The following PTPN2 variants were observed in gnomAD, a reference collection of about 807,000 sequenced individuals.
The protein encoded by PTPN2 is tyrosine-protein phosphatase non-receptor type 2.
A neutral mutation model predicts 57.3 loss-of-function variants in PTPN2; 19 were observed. The observed-to-expected ratio is 0.33, with a 90% CI of 0.23 to 0.49. The LOEUF (loss-of-function observed/expected upper bound fraction) is 0.49, where lower values mean the gene tolerates loss of function less well. Ranked by LOEUF, PTPN2 falls within the 20% of genes least tolerant of loss-of-function variation. PTPN2 has a pLI of 0.99. For missense variants in PTPN2, 358 were observed against 501.1 expected, an observed-to-expected ratio of 0.71 and a Z score of 2.73; for synonymous variants, 153 against 164.9, an observed-to-expected ratio of 0.93 and a Z score of 0.55.
At chr18:12,801,919 T>C (rs1208719602) in intron 8 of PTPN2, 51 bp downstream of exon 8, 2 of 1,481,498 alleles carry the variant, frequency 1.3e-6, no homozygotes, top group African/African-American at 2.9e-5. Context: ...TAAAATTTAT[T>C]TTTAAAATAA....
chr18:12,857,085 T>G (rs1305111979), intron 2 of PTPN2, among the ~76,000 whole-genome samples: 1 of 140,702 alleles, frequency 7.1e-6, no homozygotes, highest in East Asian at 2.1e-4. Flanking sequence ...AAAAATCCCA[T>G]TTAGATCAAT....
chr18:12,814,564 G>A (rs1255628728), intron 6 of PTPN2, among the ~76,000 whole-genome samples: 1 of 152,146 alleles, frequency 6.6e-6, no homozygotes, highest in African/African-American at 2.4e-5. Flanking sequence ...AGTAGTTGGA[G>A]GACTTTGATT....
At chr18:12,835,383 T>TTTTTTTTC (rs2042824465) in intron 3 of PTPN2, among the ~76,000 whole-genome samples, 1 of 10,082 alleles carries the variant, frequency 9.9e-5, no homozygotes, top group East Asian at 4.5e-3. Context: ...CACATATGTC[T>TTTTTTTTC]TTTTTTTTTT....
intron 2 of PTPN2, among the ~76,000 whole-genome samples, chr18:12,858,274 C>G (rs2043663727): frequency 3.9e-5 from 6 of 152,064 alleles, no homozygotes; most frequent in Admixed American, 3.9e-4. Context: ...ACAGGGAGCC[C>G]TAAAGAGAAA....
At chr18:12,847,251 G>A (rs2043241429) in intron 2 of PTPN2, among the ~76,000 whole-genome samples, 3 of 152,140 alleles carry the variant, frequency 2.0e-5, no homozygotes, top group Admixed American at 2.0e-4. Flanking sequence ...TCCACCCTCT[G>A]CGTGAATACC....
At chr18:12,801,811 T>G in intron 8 of PTPN2, 159 bp downstream of exon 8, 1 of 706,322 alleles carries the variant, frequency 1.4e-6, no homozygotes, top group Non-Finnish European at 2.3e-6. Flanking sequence ...TCAAGTGATC[T>G]TCCCTCCTTG....
intron 1 of PTPN2, among the ~76,000 whole-genome samples, chr18:12,877,826 A>G (rs2044540770): frequency 6.6e-6 from 1 of 152,126 alleles, no homozygotes; most frequent in Admixed American, 6.5e-5. Context: ...CCTGGCTAAC[A>G]CGGTCAAACC....
At chr18:12,862,495 T>C (rs938699668) in intron 1 of PTPN2, 2 of 152,284 alleles carry the variant, frequency 1.3e-5, no homozygotes, top group African/African-American at 4.8e-5. Flanking sequence ...GTAACTGCTT[T>C]TGTTTTCAGA....
chr18:12,786,462 C>T (rs1334557710), intron 9 of PTPN2: 1 of 152,102 alleles, frequency 6.6e-6, no homozygotes, highest in Non-Finnish European at 1.5e-5. Flanking sequence ...ACATAATTGA[C>T]AGATTTATTG....
rs1342768169 is a variant in PTPN2, at chr18:12,883,931, C to T, written c.69+142G>A. 4 of 642,426 alleles carry T rather than the reference C, an allele frequency of 6.2e-6. No individual in the cohort carries two copies. In the Admixed American group the frequency reaches 1.0e-4, roughly 16 times the overall value. 39.8% of individuals were successfully genotyped at this position (642,426 alleles called of 1,614,324 possible). ...GAGAGCGGTCAGCGCAGGCGCGCCC[C>T]TGACGCGGACCGCGCCGCCACTTCC... On this transcript the variant is annotated intron_variant, in intron 1 of 8. Transcript: ENST00000309660.
intron 7 of PTPN2, among the ~76,000 whole-genome samples, chr18:12,804,312 AAAAG>A (rs964721315): frequency 3.3e-5 from 5 of 149,840 alleles, no homozygotes; most frequent in Admixed American, 2.7e-4. Context: ...AAAAAAAAGA[AAAAG>A]AAAGTTCTCA....
chr18:12,853,103 A>C (rs541791555), intron 2 of PTPN2, among the ~76,000 whole-genome samples: 1 of 152,350 alleles, frequency 6.6e-6, no homozygotes, highest in East Asian at 1.9e-4. Context: ...TTTTCAACAA[A>C]TGTTTTCTGA....
chr18:12,867,980 T>G (rs2044049202), intron 1 of PTPN2, among the ~76,000 whole-genome samples: 1 of 152,206 alleles, frequency 6.6e-6, no homozygotes, highest in African/African-American at 2.4e-5. Flanking sequence ...TTTGGTCATC[T>G]TTACAGAAAG....
intron 1 of PTPN2, among the ~76,000 whole-genome samples, chr18:12,876,751 C>G (rs2044504526): frequency 6.6e-6 from 1 of 152,180 alleles, no homozygotes; most frequent in African/African-American, 2.4e-5. Context: ...AACGAAATAC[C>G]TGGGAACACA....
At chr18:12,870,290 CATATATATGTGTATATAT>C (rs2044153300) in intron 1 of PTPN2, among the ~76,000 whole-genome samples, 1 of 76,652 alleles carries the variant, frequency 1.3e-5, no homozygotes, top group Non-Finnish European at 2.2e-5. Flanking sequence ...TATACATATA[CATATATATGTGTATATAT>C]ACATATATAT....
At chr18:12,796,817 C>A (rs1480755121) in intron 8 of PTPN2, among the ~76,000 whole-genome samples, 2 of 152,182 alleles carry the variant, frequency 1.3e-5, no homozygotes, top group African/African-American at 4.8e-5. Context: ...TGCTCCACCC[C>A]CTCTAGCCCT....
intron 1 of PTPN2, among the ~76,000 whole-genome samples, chr18:12,882,095 A>G (rs184069342): frequency 2.6e-5 from 4 of 152,344 alleles, no homozygotes; most frequent in Admixed American, 2.6e-4. Flanking sequence ...GGGTCCGGGC[A>G]TATTTGTGGA....
At chr18:12,857,643 T>G (rs1185950245) in intron 2 of PTPN2, among the ~76,000 whole-genome samples, 1 of 152,216 alleles carries the variant, frequency 6.6e-6, no homozygotes, top group South Asian at 2.1e-4. Context: ...ATCAGAGATT[T>G]GGAGGCAGGG....
chr18:12,799,587 C>T (rs1445452966), intron 8 of PTPN2, among the ~76,000 whole-genome samples: 2 of 142,732 alleles, frequency 1.4e-5, no homozygotes, highest in East Asian at 4.1e-4. Flanking sequence ...TCTTCTTTTA[C>T]ATTTTTTTTT....
Sources: allele counts gnomAD v4.1 joint callset (sites outside exome capture counted in the v4.1 genomes callset), GRCh38; gene constraint gnomAD v4.1.1; transcripts MANE v1.5; gene names NCBI Gene and HGNC (gene_info 2026-07-23, HGNC 2026-07-21).